Variants in PLEKHA8 observed in about 807,000 individuals in gnomAD.
The protein encoded by PLEKHA8 is pleckstrin homology domain containing A8, also known as pleckstrin homology domain-containing family A member 8.
Under a neutral mutation model 68.2 loss-of-function variants are expected in PLEKHA8, and 36 were observed. That is an observed-to-expected ratio of 0.53 (90% CI 0.40 to 0.70). The LOEUF (loss-of-function observed/expected upper bound fraction) is 0.70. Among genes scored for constraint, PLEKHA8 ranks in the 30% least tolerant of loss-of-function variants. The probability of loss-of-function intolerance (pLI) is 0.00; values close to 1 mark genes in which losing one functional copy is unlikely to be tolerated. For missense variants in PLEKHA8, 505 were observed against 615.4 expected, an observed-to-expected ratio of 0.82 and a Z score of 1.90; for synonymous variants, 211 against 216.1, an observed-to-expected ratio of 0.98 and a Z score of 0.20.
chr7:30,028,826 G>A (rs1790414935), intron 1 of PLEKHA8, 24 bp downstream of exon 1: 3 of 1,256,260 alleles, frequency 2.4e-6, no homozygotes, highest in African/African-American at 1.5e-5. Flanking sequence ...CCGGGCCGGG[G>A]GCGCGCCGGG....
In PLEKHA8 at chr7:30,055,402, A is replaced by C. The variant is rs567864649; in HGVS notation, c.1039+60A>C. On this transcript the variant is annotated intron_variant, in intron 9 of 13. Coordinates refer to ENST00000449726, the MANE Select transcript of PLEKHA8 (RefSeq NM_001197026.2). ...GTCTAGAATCTGCCTCACTGTAGTT[A>C]TTTTGCAGGAGAAATACCCCAAACT... 8.8e-6 allele frequency: 13 copies of C among 1,477,040 alleles called. No homozygotes were observed. The African/African-American group carries it at 1.4e-4, about 16-fold the overall frequency. 91.5% of individuals were successfully genotyped at this position (1,477,040 alleles called of 1,614,324 possible).
intron 12 of PLEKHA8, among the ~76,000 whole-genome samples, chr7:30,070,712 AT>A (rs1476786914): frequency 6.6e-6 from 1 of 151,908 alleles, no homozygotes; most frequent in Non-Finnish European, 1.5e-5. Flanking sequence ...CACCTGGCTA[AT>A]TTTTATATTT....
At position 30,083,471 on chromosome 7, in the gene PLEKHA8, G is replaced by C; in HGVS notation, c.*4684G>C. 1 of 985,206 alleles carries C rather than the reference G, an allele frequency of 1.0e-6. No homozygotes were observed. The highest frequency in any genetic ancestry group is 1.2e-6 in the Non-Finnish European group (1 of 829,856). 61.0% of individuals were successfully genotyped at this position (985,206 alleles called of 1,614,324 possible). ...TGTTCCCAATTCCCATCCTGTCTCA[G>C]ACAGTCAATAGTCCTGTGTACAGTG... On this transcript the variant is annotated 3_prime_UTR_variant, in exon 14 of 14. Transcript: ENST00000449726.
Position 30,081,782 on chromosome 7 carries a change from T to C in PLEKHA8, c.*2995T>C. ...AATAAGTAACATTAGGCTAACCCCT[T>C]ATGAGACATTTCCACACAATTTCAT... On this transcript the variant is annotated 3_prime_UTR_variant, in exon 14 of 14. Coordinates refer to ENST00000449726, the MANE Select transcript of PLEKHA8 (RefSeq NM_001197026.2). 4.1e-6 allele frequency: 4 copies of C among 985,312 alleles called. No homozygotes were observed. Among genetic ancestry groups the C allele is most frequent in the South Asian group, 4.7e-5 (1 of 21,290 alleles). The allele number at this position is 985,312 out of a possible 1,614,324, so 61.0% of individuals were successfully genotyped here.
Position 30,028,706 on chromosome 7 carries a change from T to A in PLEKHA8, c.-57T>A. 1 of 1,207,660 alleles carries A rather than the reference T, an allele frequency of 8.3e-7. No individual in the cohort carries two copies. Among genetic ancestry groups the A allele is most frequent in the Non-Finnish European group, 1.0e-6 (1 of 954,412 alleles). The allele number at this position is 1,207,660 out of a possible 1,614,324, so 74.8% of individuals were successfully genotyped here. ...CCCTGCTGCTGGTGCTCCTCGCCTC[T>A]TGGGGCCTGGGGCAGTGAGGGGGCC... On this transcript the variant is annotated 5_prime_UTR_variant, in exon 1 of 14. The change creates a new upstream start codon in the 5' untranslated region. Transcript: ENST00000449726.
chr7:30,079,314 A>T lies in PLEKHA8; in HGVS notation c.*527A>T, dbSNP rs928440056. 2.0e-6 allele frequency: 2 copies of T among 987,136 alleles called. No homozygotes were observed. The highest frequency in any genetic ancestry group is 2.4e-6 in the Non-Finnish European group (2 of 831,168). 61.1% of individuals were successfully genotyped at this position (987,136 alleles called of 1,614,324 possible). ...CTCTGTCAGTGATAAGGGCCTGTGT[A>T]GTAAAGATGTTCAGGGCATTCACAT... On this transcript the variant is annotated 3_prime_UTR_variant, in exon 14 of 14. Coordinates refer to ENST00000449726, the MANE Select transcript of PLEKHA8 (RefSeq NM_001197026.2).
downstream of PLEKHA8, among the ~76,000 whole-genome samples, chr7:30,095,233 G>GGT (rs1795564475): frequency 6.6e-6 from 1 of 152,184 alleles, no homozygotes; most frequent in Non-Finnish European, 1.5e-5. Flanking sequence ...GGTGTGAGAT[G>GGT]GTATCTCATT....
intron 1 of PLEKHA8, among the ~76,000 whole-genome samples, chr7:30,042,842 A>G (rs1791643931): frequency 6.6e-6 from 1 of 152,188 alleles, no homozygotes; most frequent in Admixed American, 6.5e-5. Flanking sequence ...AAGGGCTGAA[A>G]CATCACCAAT....
At chr7:30,059,632 C>G (rs1166844353) in intron 9 of PLEKHA8, among the ~76,000 whole-genome samples, 2 of 147,462 alleles carry the variant, frequency 1.4e-5, no homozygotes, top group African/African-American at 5.0e-5. Flanking sequence ...AGCTACCTAT[C>G]TTTGTCCCTG....
At chr7:30,048,380 T>TA (rs1332686909) in intron 4 of PLEKHA8, among the ~76,000 whole-genome samples, 1 of 152,218 alleles carries the variant, frequency 6.6e-6, no homozygotes, top group Non-Finnish European at 1.5e-5. Flanking sequence ...GATGCCAACT[T>TA]ATTGTCTTTC....
chr7:30,111,121 C>T (rs1192456222), intron 13 of PLEKHA8, among the ~76,000 whole-genome samples: 5 of 152,054 alleles, frequency 3.3e-5, no homozygotes. Context: ...GCAGGCTGGT[C>T]TCAAATTCCT....
chr7:30,085,498 G>A (rs1044063279), downstream of PLEKHA8, among the ~76,000 whole-genome samples: 11 of 152,172 alleles, frequency 7.2e-5, no homozygotes, highest in African/African-American at 1.4e-4. Flanking sequence ...TGTAGCAGAC[G>A]CTTTTTTGTC....
chr7:30,098,893 C>T (rs530419419), intron 13 of PLEKHA8, among the ~76,000 whole-genome samples: 9 of 152,282 alleles, frequency 5.9e-5, no homozygotes, highest in Non-Finnish European at 8.8e-5. Flanking sequence ...AGAAATCACC[C>T]GTCTTCTGCG....
At position 30,044,985 on chromosome 7, in the gene PLEKHA8, G is replaced by T. The variant is rs956478625; in HGVS notation, c.41-100G>T. The stretch of plus-strand genomic sequence containing the variant: ...ATCCCTGGCAATGTAAAGCTCCTTG[G>T]AGCTAACCCAGTATCCTATGTTAGG... On this transcript the variant is annotated intron_variant, in intron 1 of 13. Coordinates refer to ENST00000449726, the MANE Select transcript of PLEKHA8 (RefSeq NM_001197026.2). 4.4e-5 allele frequency: 31 copies of T among 701,980 alleles called. No homozygotes were observed. The African/African-American group carries it at 5.7e-4, about 13-fold the overall frequency. 43.5% of individuals were successfully genotyped at this position (701,980 alleles called of 1,614,324 possible).
chr7:30,052,153 G>T lies in PLEKHA8; in HGVS notation c.639-556G>T, dbSNP rs182891896. 1.1e-3 allele frequency among the ~76,000 whole-genome samples: 165 copies of T among 152,262 alleles called. 1 individual carries two copies. Among genetic ancestry groups the T allele is most frequent in the East Asian group, 9.7e-4 (5 of 5,178 alleles). On this transcript the variant is annotated intron_variant, in intron 6 of 13. Transcript: ENST00000449726. ...CTGTCAATGACTATTTCCTGATGCT[G>T]CTGGGGAGCAGGAAGATTGGGACTG...
intron 11 of PLEKHA8, 24 bp from the exon 12 acceptor site, chr7:30,062,648 A>G: frequency 6.5e-7 from 1 of 1,549,414 alleles, no homozygotes; most frequent in Non-Finnish European, 8.9e-7. Flanking sequence ...TGAAAATAAT[A>G]TTTCTTCCTT....
downstream of PLEKHA8, among the ~76,000 whole-genome samples, chr7:30,093,496 G>A (rs996158415): frequency 5.9e-5 from 9 of 152,188 alleles, no homozygotes; most frequent in East Asian, 1.9e-4. Context: ...AAGACAGAGC[G>A]GAGGCTGGAA....
intron 7 of PLEKHA8, among the ~76,000 whole-genome samples, chr7:30,053,301 G>A (rs1792569816): frequency 6.6e-6 from 1 of 152,126 alleles, no homozygotes; most frequent in Admixed American, 6.5e-5. Context: ...TGTTTATCAA[G>A]CCAAAGTCCC....
intron 13 of PLEKHA8, among the ~76,000 whole-genome samples, chr7:30,075,835 T>C (rs1480138877): frequency 6.6e-6 from 1 of 152,148 alleles, no homozygotes; most frequent in African/African-American, 2.4e-5. Context: ...CATAAATCTT[T>C]TTTTCCTTTA....
Sources: allele counts gnomAD v4.1 joint callset (sites outside exome capture counted in the v4.1 genomes callset), GRCh38; gene constraint gnomAD v4.1.1; transcripts MANE v1.5; gene names NCBI Gene and HGNC (gene_info 2026-07-23, HGNC 2026-07-21).